LNX1: variants seen among roughly 807,000 people sequenced by gnomAD.
LNX1 encodes E3 ubiquitin-protein ligase LNX.
In LNX1, 54 loss-of-function variants were observed where a neutral mutation model predicts 68.4. The observed-to-expected ratio is 0.79, with a 90% CI of 0.63 to 0.99. The LOEUF (loss-of-function observed/expected upper bound fraction) is 0.99, where lower values mean the gene tolerates loss of function less well. Ranked by LOEUF, LNX1 falls within the 50% of genes least tolerant of loss-of-function variation. The pLI, the probability that LNX1 is intolerant of heterozygous loss-of-function variation, is 0.00. For missense variants in LNX1, 906 were observed against 926.4 expected (o/e 0.98, Z 0.29); for synonymous variants, 336 against 350.0 (o/e 0.96, Z 0.45).
chr4:53,581,742 G>A (rs543439254), intron 1 of LNX1, among the ~76,000 whole-genome samples: 1 of 152,268 alleles, frequency 6.6e-6, no homozygotes, highest in Non-Finnish European at 1.5e-5. Flanking sequence ...CCCACAACAT[G>A]TGGGGATTAT....
intron 2 of LNX1, among the ~76,000 whole-genome samples, chr4:53,542,603 A>G (rs1030581128): frequency 6.6e-6 from 1 of 152,180 alleles, no homozygotes; most frequent in African/African-American, 2.4e-5. Context: ...CAGAGGCAAG[A>G]GGAGGGAAAA....
At chr4:53,595,872 T>C (rs1425525455), upstream of LNX1, among the ~76,000 whole-genome samples, 1 of 152,162 alleles carries the variant, frequency 6.6e-6, no homozygotes, top group East Asian at 1.9e-4. Context: ...GCTTCCTATT[T>C]TTTTTTCCCA....
At chr4:53,550,329 T>C (rs6815418) in intron 2 of LNX1, among the ~76,000 whole-genome samples, 35,245 of 152,130 alleles carry the variant, frequency 0.23, 4,265 homozygotes, top group East Asian at 0.37. Flanking sequence ...TGTTGGAATA[T>C]GATTTCTCCA....
intron 2 of LNX1, among the ~76,000 whole-genome samples, chr4:53,516,310 G>T (rs1478293646): frequency 6.6e-6 from 1 of 152,066 alleles, no homozygotes; most frequent in East Asian, 1.9e-4. Context: ...TCAGTAATCA[G>T]TAACTAGCAT....
chr4:53,601,087 A>T (rs1294401964), intron 2 of LNX1, among the ~76,000 whole-genome samples: 2 of 132,368 alleles, frequency 1.5e-5, no homozygotes, highest in Non-Finnish European at 3.3e-5. Context: ...GAAAGAAAGA[A>T]AGAAAGGGAG....
At chr4:53,593,516 T>C (rs541894879), upstream of LNX1, among the ~76,000 whole-genome samples, 1 of 152,058 alleles carries the variant, frequency 6.6e-6, no homozygotes, top group South Asian at 2.1e-4. Context: ...AGAAAGAAAA[T>C]AGAGAAATAA....
chr4:53,536,459 C>A (rs552440807), intron 2 of LNX1, among the ~76,000 whole-genome samples: 1 of 152,280 alleles, frequency 6.6e-6, no homozygotes, highest in East Asian at 1.9e-4. Flanking sequence ...TCACCAGCAA[C>A]TCCTGACCTA....
intron 2 of LNX1, among the ~76,000 whole-genome samples, chr4:53,572,106 C>T (rs1217089064): frequency 1.3e-5 from 2 of 152,122 alleles, no homozygotes; most frequent in Non-Finnish European, 2.9e-5. Context: ...GCCCCTCATC[C>T]CCTTGCCCAG....
intron 2 of LNX1, among the ~76,000 whole-genome samples, chr4:53,541,205 G>A (rs1190684853): frequency 2.6e-5 from 4 of 151,926 alleles, no homozygotes; most frequent in African/African-American, 9.7e-5. Context: ...TGCGTTCTGT[G>A]ATTTCAGGAT....
intron 9 of LNX1, among the ~76,000 whole-genome samples, chr4:53,468,515 G>A (rs1722878926): frequency 6.6e-6 from 1 of 152,114 alleles, no homozygotes; most frequent in African/African-American, 2.4e-5. Context: ...ATGTAAATGG[G>A]CTAAATGCTC....
chr4:53,515,776 A>G (rs28634891), intron 2 of LNX1, among the ~76,000 whole-genome samples: 9,670 of 152,200 alleles, frequency 0.064, 983 homozygotes, highest in African/African-American at 0.22. Context: ...GCACGGAGGA[A>G]AAAGCACATG....
In LNX1 at chr4:53,573,767, C is replaced by A; in HGVS notation, c.236G>T (p.Arg79Leu). The change falls in exon 2 of 11, where the codon CGC becomes CTC. Residue 79 changes from arginine (R) to leucine (L), a missense_variant. Arg to Leu is a moderately radical substitution (Grantham distance 102). Coordinates refer to ENST00000263925, the MANE Select transcript of LNX1 (RefSeq NM_001126328.3). ...GCAGTGCTGCAGAACCAGAGGCTTG[C>A]GGTCCATGGGACAGAAGTCCTTCTC... ...LVEKDFCPMD[R>L]KPLVLQHCKK... 1.2e-6 allele frequency: 2 copies of A among 1,611,222 alleles called. No homozygotes were observed. Among genetic ancestry groups the A allele is most frequent in the Non-Finnish European group, 1.7e-6 (2 of 1,178,758 alleles).
At chr4:53,492,057 G>C (rs1474438509) in intron 6 of LNX1, among the ~76,000 whole-genome samples, 1 of 152,110 alleles carries the variant, frequency 6.6e-6, no homozygotes, top group Non-Finnish European at 1.5e-5. Flanking sequence ...AAAATGCTGG[G>C]ATTACAGGCA....
intron 2 of LNX1, among the ~76,000 whole-genome samples, chr4:53,519,855 A>G (rs1197645069): frequency 1.3e-5 from 2 of 152,230 alleles, no homozygotes; most frequent in African/African-American, 2.4e-5. Context: ...GTTTGCATAT[A>G]GGGTGACCAA....
At chr4:53,508,578 G>A (rs1726096805) in intron 2 of LNX1, among the ~76,000 whole-genome samples, 1 of 152,190 alleles carries the variant, frequency 6.6e-6, no homozygotes, top group Admixed American at 6.5e-5. Flanking sequence ...GCTTGCTGGT[G>A]TTTATTTTGA....
At chr4:53,609,110 C>A (rs754432571) in intron 2 of LNX1, among the ~76,000 whole-genome samples, 1 of 152,062 alleles carries the variant, frequency 6.6e-6, no homozygotes, top group Non-Finnish European at 1.5e-5. Flanking sequence ...TGCTTCACTC[C>A]TACAACTATC....
chr4:53,649,783 C>T (rs1230695243), intron 1 of LNX1, among the ~76,000 whole-genome samples: 1 of 152,176 alleles, frequency 6.6e-6, no homozygotes, highest in Non-Finnish European at 1.5e-5. Flanking sequence ...TCTCATTGTA[C>T]TTGGCCACAT....
chr4:53,498,831 A>C lies in LNX1; in HGVS notation c.788T>G (p.Leu263Trp), dbSNP rs1392524534. ...NTTAPEVFPR[L>W]YHLIPDGEIT... is the part of the protein sequence containing the mutation. ...TTCACCATCTGGAATCAGGTGGTAC[A>C]ACCTTGGAAAGACTGAAATGGACAA... Residue 263 changes from leucine to tryptophan, a missense_variant, in exon 5 of 11, where the codon TTG becomes TGG. Leu to Trp is a moderately conservative substitution (Grantham distance 61). Transcript: ENST00000263925. The C allele has an allele frequency of 6.2e-7, 1 of 1,613,464 alleles. No individual in the cohort carries two copies. The highest frequency in any genetic ancestry group is 8.5e-7 in the Non-Finnish European group (1 of 1,179,660).
rs778584257 is a variant in LNX1, at chr4:53,496,255, T to C, written c.1118A>G (p.Tyr373Cys). 21 of 1,614,052 alleles carry C rather than the reference T, an allele frequency of 1.3e-5. No individual in the cohort carries two copies. In the Admixed American group the frequency reaches 2.7e-4, roughly 20 times the overall value. Residue 373 changes from tyrosine (Y) to cysteine (C), a missense_variant, in exon 6 of 11, where the codon TAC becomes TGC. Transcript: ENST00000263925. ...SRNNGQAPDA[Y>C]RPRDDSFHVI... ...ATGAAAGCTGTCATCTCGGGGTCTG[T>C]AGGCATCCGGGGCCTGTCCATTGTT...
Sources: gnomAD v4.1 joint callset for allele counts (sites outside exome capture counted in the v4.1 genomes callset) on GRCh38, gnomAD v4.1.1 for gene constraint, MANE v1.5 for transcripts, NCBI Gene and HGNC (gene_info 2026-07-23, HGNC 2026-07-21) for gene names.